The following EPB41L2 variants were observed in gnomAD, a reference collection of about 807,000 sequenced individuals.
EPB41L2 encodes the protein band 4.1-like protein 2.
EPB41L2 carries 43 observed loss-of-function variants against 113.0 expected under a neutral mutation model. That is an observed-to-expected ratio of 0.38 (90% CI 0.30 to 0.49). The LOEUF is 0.49. Among genes scored for constraint, EPB41L2 ranks in the 20% least tolerant of loss-of-function variants. The pLI is 0.95. For missense variants in EPB41L2, 1,147 were observed against 1,223.4 expected (o/e 0.94, Z 0.93); for synonymous variants, 442 against 436.7 (o/e 1.01, Z -0.15).
chr6:130,898,486 A>G (rs1456137129), intron 8 of EPB41L2, among the ~76,000 whole-genome samples: 1 of 152,116 alleles, frequency 6.6e-6, no homozygotes, highest in Non-Finnish European at 1.5e-5. Context: ...TTTTAAAACC[A>G]AATTCATATT....
chr6:130,957,800 C>A (rs1001486247), intron 1 of EPB41L2, among the ~76,000 whole-genome samples: 1 of 152,114 alleles, frequency 6.6e-6, no homozygotes, highest in African/African-American at 2.4e-5. Flanking sequence ...AGTGGTACAA[C>A]CACCACCACT....
At position 130,904,623 on chromosome 6, in the gene EPB41L2, A is replaced by C. The variant is rs1797207164; in HGVS notation, c.854-83T>G. ...ATAAAATTTAAAGGTCAAGGATCAA[A>C]CAGTACAGACTAATCCAACTATAAA... is the stretch of plus-strand genomic sequence containing the variant. On this transcript the variant is annotated intron_variant, in intron 5 of 19. Coordinates refer to ENST00000337057, the MANE Select transcript of EPB41L2 (RefSeq NM_001431.4). The C allele has an allele frequency of 6.2e-6, 5 of 808,738 alleles. No homozygotes were observed. The South Asian group carries it at 8.2e-5, about 13-fold the overall frequency. 50.1% of individuals were successfully genotyped at this position (808,738 alleles called of 1,614,324 possible).
chr6:130,865,334 G>A (rs1783382738), intron 17 of EPB41L2, among the ~76,000 whole-genome samples: 1 of 152,072 alleles, frequency 6.6e-6, no homozygotes, highest in African/African-American at 2.4e-5. Context: ...TTACCCCCTT[G>A]TACTTCACAA....
intron 19 of EPB41L2, among the ~76,000 whole-genome samples, chr6:130,855,673 T>C (rs556346320): frequency 6.6e-6 from 1 of 152,240 alleles, no homozygotes; most frequent in South Asian, 2.1e-4. Flanking sequence ...TTAAAGAAGA[T>C]ATATACAAAT....
At chr6:131,027,045 C>T (rs946829068) in intron 1 of EPB41L2, among the ~76,000 whole-genome samples, 1 of 152,132 alleles carries the variant, frequency 6.6e-6, no homozygotes, top group African/African-American at 2.4e-5. Context: ...AGCTCAAGTA[C>T]AAGAATGCTT....
At chr6:130,855,247 G>A (rs970641859) in intron 19 of EPB41L2, among the ~76,000 whole-genome samples, 1 of 151,330 alleles carries the variant, frequency 6.6e-6, no homozygotes, top group Non-Finnish European at 1.5e-5. Context: ...CTACTTGGGA[G>A]GCTGAGGCAG....
chr6:130,847,550 A>T (rs1777407204), intron 19 of EPB41L2, among the ~76,000 whole-genome samples: 1 of 152,206 alleles, frequency 6.6e-6, no homozygotes, highest in Non-Finnish European at 1.5e-5. Flanking sequence ...ACAGAATTGC[A>T]TTATATCTTT....
intron 14 of EPB41L2, chr6:130,872,477 T>G: frequency 7.8e-7 from 1 of 1,289,332 alleles, no homozygotes; most frequent in Non-Finnish European, 1.0e-6. Context: ...GAAGGTGGCT[T>G]TCATGCTATC....
Position 130,840,346 on chromosome 6 carries a change from A to G in EPB41L2, c.*258T>C, listed in dbSNP as rs1775086743. 6.6e-6 allele frequency: 1 copy of G among 152,464 alleles called. No homozygotes were observed. Among genetic ancestry groups the G allele is most frequent in the African/African-American group, 2.4e-5 (1 of 41,446 alleles). 9.4% of individuals were successfully genotyped at this position (152,464 alleles called of 1,614,324 possible). A position where few individuals can be genotyped will look rare whatever the true frequency, so the allele number is the denominator to read the frequency against. On this transcript the variant is annotated 3_prime_UTR_variant, in exon 20 of 20. Coordinates refer to ENST00000337057, the MANE Select transcript of EPB41L2 (RefSeq NM_001431.4). ...CAAAACCAAAACCCCTTAATTAACA[A>G]CAACAAAAAGAAAGAACTGAGAATA... is the stretch of plus-strand genomic sequence containing the variant.
At chr6:130,845,078 C>G (rs1384138963) in intron 19 of EPB41L2, among the ~76,000 whole-genome samples, 1 of 152,110 alleles carries the variant, frequency 6.6e-6, no homozygotes, top group Non-Finnish European at 1.5e-5. Flanking sequence ...AATCCCAGAG[C>G]CAAAAATGCA....
chr6:130,883,216 T>A (rs1329522823), intron 12 of EPB41L2: 2 of 152,210 alleles, frequency 1.3e-5, no homozygotes, highest in Non-Finnish European at 2.9e-5. Context: ...ACACAACAGA[T>A]ACAATCAAAG....
At chr6:131,016,453 T>C (rs1423026482) in intron 1 of EPB41L2, among the ~76,000 whole-genome samples, 1 of 149,624 alleles carries the variant, frequency 6.7e-6, no homozygotes, top group East Asian at 2.0e-4. Flanking sequence ...ATCCTGCAAA[T>C]ATTTATTAAG....
intron 7 of EPB41L2, among the ~76,000 whole-genome samples, chr6:130,900,478 C>T (rs1027863030): frequency 9.8e-5 from 15 of 152,310 alleles, no homozygotes; most frequent in East Asian, 9.6e-4. Context: ...GCTAAACCAA[C>T]GGGTCATCTT....
At chr6:130,958,281 A>C (rs921087777) in intron 1 of EPB41L2, among the ~76,000 whole-genome samples, 2 of 151,996 alleles carry the variant, frequency 1.3e-5, no homozygotes, top group Admixed American at 1.3e-4. Flanking sequence ...GCGAAACCCC[A>C]TCTCTACTAA....
At chr6:130,909,042 T>C (rs1326674922) in intron 4 of EPB41L2, among the ~76,000 whole-genome samples, 179 bp from the exon 5 acceptor site, 3 of 152,196 alleles carry the variant, frequency 2.0e-5, no homozygotes, top group Non-Finnish European at 4.4e-5. Flanking sequence ...GACATATGTG[T>C]GTAAATGTGG....
At chr6:131,030,600 T>C (rs1791941488) in intron 1 of EPB41L2, among the ~76,000 whole-genome samples, 1 of 152,228 alleles carries the variant, frequency 6.6e-6, no homozygotes, top group Non-Finnish European at 1.5e-5. Context: ...TACCTCAGTA[T>C]GAAACAATTT....
chr6:130,866,781 TTCTTAAGGTTAAACA>T (rs1224440078), intron 16 of EPB41L2, among the ~76,000 whole-genome samples: 3 of 152,252 alleles, frequency 2.0e-5, no homozygotes, highest in Non-Finnish European at 4.4e-5. Context: ...TTTTTTGTTA[TTCTTAAGGTTAAACA>T]TCTTAATGCT....
chr6:130,983,313 T>C lies in EPB41L2; in HGVS notation c.-14-26814A>G, dbSNP rs372623203. On this transcript the variant is annotated intron_variant, in intron 1 of 19. Coordinates refer to ENST00000337057, the MANE Select transcript of EPB41L2 (RefSeq NM_001431.4). ...TGCCTTTCTTCAGAACACTGAGAAC[T>C]ACAGTAATGTGTCAATGAGGATCAT... 6.6e-5 allele frequency among the ~76,000 whole-genome samples: 10 copies of C among 152,314 alleles called. No homozygotes were observed. In the East Asian group the frequency reaches 1.7e-3, roughly 26 times the overall value.
At chr6:130,970,671 C>T (rs967315889) in intron 1 of EPB41L2, among the ~76,000 whole-genome samples, 3 of 152,054 alleles carry the variant, frequency 2.0e-5, no homozygotes, top group Non-Finnish European at 4.4e-5. Flanking sequence ...AGTCTCCATC[C>T]TGCAACTTTG....
Sources: allele counts gnomAD v4.1 joint callset (sites outside exome capture counted in the v4.1 genomes callset), GRCh38; gene constraint gnomAD v4.1.1; transcripts MANE v1.5; gene names NCBI Gene and HGNC (gene_info 2026-07-23, HGNC 2026-07-21).